EPC1: variants seen among roughly 807,000 people sequenced by gnomAD.
EPC1 encodes the protein enhancer of polycomb 1, also known as enhancer of polycomb homolog 1.
Under a neutral mutation model 98.4 loss-of-function variants are expected in EPC1, and 12 were observed. The observed-to-expected ratio is 0.12, with a 90% CI of 0.08 to 0.20. The LOEUF (loss-of-function observed/expected upper bound fraction) is 0.20. Ranked by LOEUF, EPC1 falls within the 10% of genes least tolerant of loss-of-function variation. The pLI is 1.00. For missense variants in EPC1, 729 were observed against 990.5 expected (o/e 0.74, Z 3.54); for synonymous variants, 357 against 363.9 (o/e 0.98, Z 0.21).
At chr10:32,293,247 A>G (rs1564529333) in intron 3 of EPC1, 53 bp from the exon 4 acceptor site, 6 of 1,322,822 alleles carry the variant, frequency 4.5e-6, no homozygotes, top group Non-Finnish European at 6.4e-6. Context: ...CAAGGTTCAT[A>G]AGTATTTACT....
chr10:32,347,255 C>G (rs1248606926), upstream of EPC1: 2 of 1,139,014 alleles, frequency 1.8e-6, no homozygotes, highest in African/African-American at 1.6e-5. Flanking sequence ...AGGCCGGCGC[C>G]GGCACGAAGC....
At chr10:32,338,341 CCACTAGCACCAACCCTACT>C (rs1251123273) in intron 1 of EPC1, among the ~76,000 whole-genome samples, 1 of 152,176 alleles carries the variant, frequency 6.6e-6, no homozygotes, top group Admixed American at 6.5e-5. Flanking sequence ...CTCTTCATTT[CCACTAGCACCAACCCTACT>C]TAAAGCCACC....
At chr10:32,366,605 G>T (rs1271836625) in intron 1 of EPC1, among the ~76,000 whole-genome samples, 1 of 99,026 alleles carries the variant, frequency 1.0e-5, no homozygotes, top group Non-Finnish European at 2.4e-5. Context: ...AGAATAGTCT[G>T]CCATCAATTT....
chr10:32,288,118 T>A (rs188719612), intron 6 of EPC1, among the ~76,000 whole-genome samples: 39 of 152,296 alleles, frequency 2.6e-4, no homozygotes, highest in African/African-American at 8.9e-4. Flanking sequence ...ATGTAGTTTA[T>A]GACATTATGG....
At chr10:32,352,270 A>C (rs1336256900) in intron 1 of EPC1, among the ~76,000 whole-genome samples, 1 of 147,526 alleles carries the variant, frequency 6.8e-6, no homozygotes, top group Non-Finnish European at 1.5e-5. Flanking sequence ...GATGGTCTCG[A>C]TCTCCTGACC....
At chr10:32,373,329 GT>G (rs1156261773) in intron 1 of EPC1, among the ~76,000 whole-genome samples, 1 of 152,128 alleles carries the variant, frequency 6.6e-6, no homozygotes, top group East Asian at 1.9e-4. Context: ...ATCAAATGTT[GT>G]TTTTGTTATT....
At chr10:32,288,843 A>T (rs910023464) in intron 6 of EPC1, among the ~76,000 whole-genome samples, 23 of 151,982 alleles carry the variant, frequency 1.5e-4, no homozygotes, top group African/African-American at 5.3e-4. Context: ...TAATCCCAGC[A>T]CTTTGGGAGG....
At position 32,290,398 on chromosome 10, in the gene EPC1, A is replaced by G. The variant is rs895462705; in HGVS notation, c.975+765T>C. 2.0e-4 allele frequency among the ~76,000 whole-genome samples: 30 copies of G among 147,392 alleles called. No individual in the cohort carries two copies. In the East Asian group the frequency reaches 6.1e-3, roughly 30 times the overall value. On this transcript the variant is annotated intron_variant, in intron 6 of 13. Coordinates refer to ENST00000319778, the MANE Select transcript of EPC1 (RefSeq NM_001272004.3). ...CTACTCGGGGAGGCGAGGCAGGAGA[A>G]TCGCTTAAACTCGGGAGGTGGAGGT...
intron 10 of EPC1, chr10:32,282,973 AG>A (rs1319277669): frequency 6.6e-6 from 1 of 152,226 alleles, no homozygotes; most frequent in African/African-American, 2.4e-5. Flanking sequence ...AGACTATAAA[AG>A]TAGAGAGAAA....
At chr10:32,366,156 C>T (rs570907316) in intron 1 of EPC1, among the ~76,000 whole-genome samples, 6 of 152,230 alleles carry the variant, frequency 3.9e-5, no homozygotes, top group South Asian at 2.1e-4. Flanking sequence ...ACAACGACCA[C>T]GAGTACTTTT....
intron 6 of EPC1, among the ~76,000 whole-genome samples, chr10:32,289,220 A>G (rs1303870094): frequency 6.6e-6 from 1 of 152,186 alleles, no homozygotes; most frequent in Non-Finnish European, 1.5e-5. Context: ...GAGTAAACTA[A>G]AACAGTATTT....
intron 1 of EPC1, among the ~76,000 whole-genome samples, chr10:32,365,894 G>T: frequency 6.6e-6 from 1 of 150,960 alleles, no homozygotes. Context: ...AGCGCTTTGG[G>T]GGGCCGAGAT....
At chr10:32,352,995 A>C (rs1839157746) in intron 1 of EPC1, among the ~76,000 whole-genome samples, 1 of 152,076 alleles carries the variant, frequency 6.6e-6, no homozygotes, top group African/African-American at 2.4e-5. Flanking sequence ...GTCTCTACTA[A>C]AAATATAAAA....
intron 2 of EPC1, 119 bp from the exon 3 acceptor site, chr10:32,293,856 T>C: frequency 9.6e-7 from 1 of 1,041,690 alleles, no homozygotes; most frequent in South Asian, 2.0e-5. Flanking sequence ...AATTCTTGGA[T>C]TTTGTTTTCA....
At chr10:32,284,566 A>C (rs1836569596) in intron 10 of EPC1, 132 bp downstream of exon 10, 4 of 703,492 alleles carry the variant, frequency 5.7e-6, no homozygotes, top group African/African-American at 3.6e-5. Flanking sequence ...ACTTAGACCA[A>C]GATTTTTTTT....
chr10:32,351,826 G>A (rs1269225066), upstream of EPC1, among the ~76,000 whole-genome samples: 1 of 150,090 alleles, frequency 6.7e-6, no homozygotes, highest in Non-Finnish European at 1.5e-5. Flanking sequence ...CACCTCCCGG[G>A]TTCAAGTGAT....
chr10:32,368,845 G>A lies in EPC1; in HGVS notation c.3+9646C>T, dbSNP rs867080310. 4.6e-5 allele frequency among the ~76,000 whole-genome samples: 7 copies of A among 152,258 alleles called. No homozygotes were observed. In the South Asian group the frequency reaches 6.2e-4, roughly 14 times the overall value. ...CTTGAGTACTTATGGCAAGTCTAGC[G>A]CTATTCAAGGCACTTTAGATGCACA... On this transcript the variant is annotated intron_variant, in intron 1 of 13. Coordinates refer to the EPC1 transcript ENST00000375110.
At chr10:32,316,009 T>C (rs544291741) in intron 1 of EPC1, among the ~76,000 whole-genome samples, 1 of 152,310 alleles carries the variant, frequency 6.6e-6, no homozygotes, top group Admixed American at 6.5e-5. Context: ...CTGTTAACTA[T>C]TCCCCTTTTC....
At chr10:32,283,490 G>A (rs1036546152) in intron 10 of EPC1, 1 of 152,172 alleles carries the variant, frequency 6.6e-6, no homozygotes, top group African/African-American at 2.4e-5. Context: ...TGCATTTTTT[G>A]TAGAGATGAG....
Sources: allele counts gnomAD v4.1 joint callset (sites outside exome capture counted in the v4.1 genomes callset), GRCh38; gene constraint gnomAD v4.1.1; transcripts MANE v1.5; gene names NCBI Gene and HGNC (gene_info 2026-07-23, HGNC 2026-07-21).